Variants in CADM2 observed in about 807,000 individuals in gnomAD.
CADM2 encodes the protein cell adhesion molecule 2.
Under a neutral mutation model 49.8 loss-of-function variants are expected in CADM2, and 12 were observed. The observed-to-expected ratio is 0.24, with a 90% confidence interval of 0.15 to 0.39. The LOEUF (loss-of-function observed/expected upper bound fraction) is 0.39, where lower values mean the gene tolerates loss of function less well. Among genes scored for constraint, CADM2 ranks in the 10% least tolerant of loss-of-function variants. The probability of loss-of-function intolerance (pLI) is 1.00; values close to 1 mark genes in which losing one functional copy is unlikely to be tolerated. For missense variants in CADM2, 378 were observed against 492.3 expected (o/e 0.77, Z 2.20); for synonymous variants, 214 against 175.4 (o/e 1.22, Z -1.74).
At chr3:85,216,315 ATAT>A (rs1420484644) in intron 1 of CADM2, among the ~76,000 whole-genome samples, 38 of 146,962 alleles carry the variant, frequency 2.6e-4, no homozygotes, top group Non-Finnish European at 5.1e-4. Context: ...TATATTTAAC[ATAT>A]TAATATATAT....
intron 1 of CADM2, among the ~76,000 whole-genome samples, chr3:85,459,681 A>G (rs559396161): frequency 1.2e-4 from 19 of 152,228 alleles, no homozygotes; most frequent in Non-Finnish European, 2.5e-4. Context: ...AATTGCAAAT[A>G]GTTAATTGTA....
intron 8 of CADM2, among the ~76,000 whole-genome samples, chr3:86,057,120 A>G (rs2107364684): frequency 6.6e-6 from 1 of 152,320 alleles, no homozygotes; most frequent in Admixed American, 6.5e-5. Context: ...TGTCAGAAAC[A>G]GTAATTGTAC....
intron 8 of CADM2, among the ~76,000 whole-genome samples, chr3:86,032,049 C>A (rs1038420747): frequency 3.3e-5 from 5 of 151,440 alleles, no homozygotes; most frequent in Non-Finnish European, 1.5e-5. Context: ...ATATTTTTTT[C>A]TTCTCTATGT....
At chr3:85,274,843 T>G (rs2106861074) in intron 1 of CADM2, among the ~76,000 whole-genome samples, 1 of 151,528 alleles carries the variant, frequency 6.6e-6, no homozygotes, top group African/African-American at 2.4e-5. Context: ...ATGCAGTTTC[T>G]AGTCTGGTTA....
intron 8 of CADM2, among the ~76,000 whole-genome samples, chr3:86,041,164 C>T (rs530010531): frequency 6.6e-6 from 1 of 152,286 alleles, no homozygotes; most frequent in South Asian, 2.1e-4. Flanking sequence ...TAAGAAGAAA[C>T]TGAATGAACT....
chr3:85,664,650 C>A (rs965008456), intron 1 of CADM2, among the ~76,000 whole-genome samples: 2 of 151,912 alleles, frequency 1.3e-5, no homozygotes, highest in Non-Finnish European at 2.9e-5. Context: ...ACTTCTCCTG[C>A]AAACTATTCT....
At chr3:85,206,768 TAAAC>T (rs2041653080) in intron 1 of CADM2, among the ~76,000 whole-genome samples, 1 of 152,092 alleles carries the variant, frequency 6.6e-6, no homozygotes, top group African/African-American at 2.4e-5. Flanking sequence ...ACTTGGATAA[TAAAC>T]ATAAATACAT....
chr3:85,284,855 T>G (rs531168626), intron 1 of CADM2, among the ~76,000 whole-genome samples: 1 of 152,034 alleles, frequency 6.6e-6, no homozygotes, highest in South Asian at 2.1e-4. Flanking sequence ...GAGAGGATTT[T>G]GTACTGTAAA....
intron 1 of CADM2, among the ~76,000 whole-genome samples, chr3:84,982,702 C>CATATATATATAT (rs71104999): frequency 0.025 from 1,877 of 75,908 alleles, 51 homozygotes; most frequent in African/African-American, 0.028. Flanking sequence ...AACTATAAAG[C>CATATATATATAT]ATATATATAT....
chr3:85,053,661 C>T (rs935112569), intron 1 of CADM2, among the ~76,000 whole-genome samples: 1 of 151,888 alleles, frequency 6.6e-6, no homozygotes, highest in East Asian at 1.9e-4. Flanking sequence ...ATAGTGAATA[C>T]CCAGTTCTTG....
intron 1 of CADM2, among the ~76,000 whole-genome samples, chr3:85,316,958 G>C (rs2044480300): frequency 6.6e-6 from 1 of 152,072 alleles, no homozygotes; most frequent in African/African-American, 2.4e-5. Flanking sequence ...ATGAGTTGGG[G>C]TTTCAAAGTC....
intron 8 of CADM2, among the ~76,000 whole-genome samples, chr3:86,003,852 C>T (rs1175363524): frequency 6.6e-6 from 1 of 152,162 alleles, no homozygotes; most frequent in East Asian, 1.9e-4. Context: ...TGGCCCAAAG[C>T]ATTTTCTGCT....
At chr3:85,017,404 T>A (rs1489390912) in intron 1 of CADM2, among the ~76,000 whole-genome samples, 1 of 152,214 alleles carries the variant, frequency 6.6e-6, no homozygotes. Context: ...TCGAGGTACC[T>A]TTGCATGAAG....
At chr3:85,625,862 G>A (rs2064114914) in intron 1 of CADM2, among the ~76,000 whole-genome samples, 1 of 151,930 alleles carries the variant, frequency 6.6e-6, no homozygotes, top group African/African-American at 2.4e-5. Flanking sequence ...ATGTATTGCT[G>A]TCAATACTTA....
At chr3:85,501,727 T>C (rs994872535) in intron 1 of CADM2, among the ~76,000 whole-genome samples, 2 of 152,160 alleles carry the variant, frequency 1.3e-5, no homozygotes, top group South Asian at 4.1e-4. Context: ...ACATATATAT[T>C]TGAATATGCA....
intron 1 of CADM2, among the ~76,000 whole-genome samples, chr3:85,206,508 C>A (rs867052064): frequency 6.6e-6 from 1 of 151,986 alleles, no homozygotes; most frequent in South Asian, 2.1e-4. Flanking sequence ...GGGGTTTCAC[C>A]GTGTTAGCCA....
At chr3:85,071,914 T>C (rs540528285) in intron 1 of CADM2, among the ~76,000 whole-genome samples, 2 of 151,578 alleles carry the variant, frequency 1.3e-5, no homozygotes, top group South Asian at 4.1e-4. Context: ...TTGTTATTTT[T>C]ATCACCACAG....
intron 1 of CADM2, among the ~76,000 whole-genome samples, chr3:85,531,809 T>A (rs574678272): frequency 5.9e-5 from 9 of 152,338 alleles, no homozygotes; most frequent in Admixed American, 1.3e-4. Context: ...TCTTCATAAA[T>A]CCATCCTCTA....
chr3:85,604,997 A>G (rs978604081), intron 1 of CADM2, among the ~76,000 whole-genome samples: 1 of 152,076 alleles, frequency 6.6e-6, no homozygotes, highest in African/African-American at 2.4e-5. Context: ...AGTTATTGAC[A>G]AATACTACAT....
Sources: allele counts gnomAD v4.1 joint callset (sites outside exome capture counted in the v4.1 genomes callset), GRCh38; gene constraint gnomAD v4.1.1; transcripts MANE v1.5; gene names NCBI Gene and HGNC (gene_info 2026-07-23, HGNC 2026-07-21).